The following RALGAPA2 variants were observed in gnomAD, a reference collection of about 807,000 sequenced individuals.
RALGAPA2 encodes ral GTPase-activating protein subunit alpha-2.
Under a neutral mutation model 230.4 loss-of-function variants are expected in RALGAPA2, and 139 were observed. The ratio of observed to expected loss-of-function variants is 0.60; its 90% CI spans 0.53 to 0.69. The LOEUF (loss-of-function observed/expected upper bound fraction) is 0.69, where lower values mean the gene tolerates loss of function less well. RALGAPA2 is among the 30% of genes least tolerant of loss of function. RALGAPA2 has a pLI of 0.00. For missense variants in RALGAPA2, 2,163 were observed against 2,276.0 expected, an observed-to-expected ratio of 0.95 and a Z score of 1.01; for synonymous variants, 847 against 837.8, an observed-to-expected ratio of 1.01 and a Z score of -0.19.
At chr20:20,524,350 G>T in intron 30 of RALGAPA2, 56 bp downstream of exon 30, 1 of 1,597,400 alleles carries the variant, frequency 6.3e-7, no homozygotes, top group African/African-American at 1.3e-5. Context: ...ATATTTTGGT[G>T]GTTCTCTGTC....
intron 39 of RALGAPA2, among the ~76,000 whole-genome samples, chr20:20,395,243 G>A (rs1181293955): frequency 6.6e-6 from 1 of 152,230 alleles, no homozygotes; most frequent in African/African-American, 2.4e-5. Context: ...CAGGCCTCTG[G>A]TCCCCAGCTT....
intron 3 of RALGAPA2, among the ~76,000 whole-genome samples, chr20:20,664,500 T>C (rs921672595): frequency 6.6e-6 from 1 of 152,144 alleles, no homozygotes; most frequent in Non-Finnish European, 1.5e-5. Context: ...GAATAAAGCA[T>C]TCACTAAAAC....
At chr20:20,457,494 T>C (rs2061150002) in intron 37 of RALGAPA2, among the ~76,000 whole-genome samples, 1 of 152,206 alleles carries the variant, frequency 6.6e-6, no homozygotes, top group African/African-American at 2.4e-5. Context: ...TGACCTTTTC[T>C]GTGATGACAA....
intron 30 of RALGAPA2, 132 bp downstream of exon 30, chr20:20,524,274 G>T: frequency 7.9e-7 from 1 of 1,273,002 alleles, no homozygotes; most frequent in Middle Eastern, 2.0e-4. Context: ...TACTTTTTAA[G>T]AAAACGTTTA....
At chr20:20,442,038 GA>G (rs2123068554) in intron 37 of RALGAPA2, among the ~76,000 whole-genome samples, 1 of 152,322 alleles carries the variant, frequency 6.6e-6, no homozygotes, top group East Asian at 1.9e-4. Flanking sequence ...AGTAGTCTGT[GA>G]AAATATTTTT....
At chr20:20,625,114 T>C (rs1249173389) in intron 10 of RALGAPA2, among the ~76,000 whole-genome samples, 2 of 152,182 alleles carry the variant, frequency 1.3e-5, no homozygotes, top group African/African-American at 2.4e-5. Flanking sequence ...TTTCCATCTC[T>C]GCCAGCTGGC....
intron 16 of RALGAPA2, among the ~76,000 whole-genome samples, chr20:20,595,696 G>GT (rs1465572426): frequency 6.6e-6 from 1 of 152,172 alleles, no homozygotes; most frequent in Non-Finnish European, 1.5e-5. Flanking sequence ...GCTCACACCT[G>GT]TAATTCCAGC....
Position 20,446,451 on chromosome 20 carries a change from A to G in RALGAPA2, c.5495+26378T>C, listed in dbSNP as rs192261580. Among the ~76,000 whole-genome samples the G allele has an allele frequency of 1.4e-4, 22 of 152,338 alleles. No individual in the cohort carries two copies. In the East Asian group the frequency reaches 4.2e-3, roughly 29 times the overall value. On this transcript the variant is annotated intron_variant, in intron 37 of 39. Coordinates refer to ENST00000202677, the MANE Select transcript of RALGAPA2 (RefSeq NM_020343.4). ...ATTACTTTTAAAGGCAAAAACCGCA[A>G]TTACTTTTGCACCAATCTAAATAGG...
Position 20,531,770 on chromosome 20 carries a change from C to T in RALGAPA2, c.3499G>A (p.Val1167Ile), listed in dbSNP as rs1472073762. 2.5e-6 allele frequency: 4 copies of T among 1,606,096 alleles called. No homozygotes were observed. Among genetic ancestry groups the T allele is most frequent in the Non-Finnish European group, 3.4e-6 (4 of 1,176,182 alleles). The change falls in exon 27 of 40, where the codon GTC (valine) becomes ATC (isoleucine). Residue 1167 changes from valine (V) to isoleucine (I), a missense_variant. Val to Ile is a conservative substitution (Grantham distance 29). Coordinates refer to ENST00000202677, the MANE Select transcript of RALGAPA2 (RefSeq NM_020343.4). ...ARCIAVCSLGVWICEELAQCT... is the reference protein window; with the variant it reads ...ARCIAVCSLGIWICEELAQCT... ...TGTGCAAGCTCTTCACATATCCAGA[C>T]CCCAAGGGAGCAAACAGCAATGCAT...
intron 1 of RALGAPA2, among the ~76,000 whole-genome samples, chr20:20,698,802 G>A (rs189934606): frequency 4.6e-5 from 7 of 152,308 alleles, no homozygotes; most frequent in South Asian, 2.1e-4. Flanking sequence ...AGGCTTTTGC[G>A]AAAGAGGAAA....
At chr20:20,711,475 T>TA (rs1461076165) in intron 1 of RALGAPA2, among the ~76,000 whole-genome samples, 4 of 151,982 alleles carry the variant, frequency 2.6e-5, no homozygotes, top group African/African-American at 2.4e-5. Flanking sequence ...ACTTAGGATG[T>TA]AAAAAAATAC....
intron 23 of RALGAPA2, among the ~76,000 whole-genome samples, chr20:20,551,801 C>G (rs2063932645): frequency 6.6e-6 from 1 of 152,148 alleles, no homozygotes; most frequent in African/African-American, 2.4e-5. Context: ...TATAATTGAC[C>G]TTTAGAGCGA....
Position 20,629,410 on chromosome 20 carries a change from A to G in RALGAPA2, c.1186T>C (p.Leu396=), listed in dbSNP as rs1603122843. Residue 396 remains leucine, a synonymous_variant, in exon 10 of 40, where the codon TTG becomes CTG. Transcript: ENST00000202677. ...AAGTTGACATAACCTCGTGTTGACA[A>G]GAGAATCCGCTGTACCATTTCATAC... ...MVYEMVQRIL[L]STRGYVNFVN... 1.9e-6 allele frequency: 3 copies of G among 1,613,356 alleles called. No homozygotes were observed. The East Asian group carries it at 6.7e-5, about 36-fold the overall frequency.
intron 3 of RALGAPA2, among the ~76,000 whole-genome samples, chr20:20,672,821 C>A (rs2068180990): frequency 6.6e-6 from 1 of 152,132 alleles, no homozygotes; most frequent in Middle Eastern, 3.4e-3. Flanking sequence ...CATACATATA[C>A]CAAGCAAGAT....
chr20:20,494,870 T>C (rs1208023708), intron 36 of RALGAPA2, among the ~76,000 whole-genome samples: 2 of 152,256 alleles, frequency 1.3e-5, no homozygotes, highest in Non-Finnish European at 2.9e-5. Flanking sequence ...AATAATAAAT[T>C]TGACATTATA....
intron 24 of RALGAPA2, among the ~76,000 whole-genome samples, chr20:20,537,066 A>T (rs2063517163): frequency 6.6e-6 from 1 of 152,218 alleles, no homozygotes; most frequent in Non-Finnish European, 1.5e-5. Flanking sequence ...ATGACTGTTT[A>T]CATTGTTTTA....
At chr20:20,429,815 A>G (rs1227975276) in intron 37 of RALGAPA2, among the ~76,000 whole-genome samples, 1 of 152,234 alleles carries the variant, frequency 6.6e-6, no homozygotes, top group Admixed American at 6.5e-5. Flanking sequence ...ATGAACTGTC[A>G]TTCTTTCATT....
intron 12 of RALGAPA2, 47 bp from the exon 13 acceptor site, chr20:20,616,238 A>T (rs956586362): frequency 1.5e-6 from 2 of 1,303,046 alleles, no homozygotes; most frequent in Non-Finnish European, 2.0e-6. Flanking sequence ...GAACATAAAC[A>T]TTTGAATAAA....
chr20:20,612,953 C>A (rs189037616), intron 13 of RALGAPA2, among the ~76,000 whole-genome samples: 40 of 152,282 alleles, frequency 2.6e-4, no homozygotes, highest in African/African-American at 7.7e-4. Flanking sequence ...CAACAGACAT[C>A]GTAAGTTTCA....
Sources: gnomAD v4.1 joint callset for allele counts (sites outside exome capture counted in the v4.1 genomes callset) on GRCh38, gnomAD v4.1.1 for gene constraint, MANE v1.5 for transcripts, NCBI Gene and HGNC (gene_info 2026-07-23, HGNC 2026-07-21) for gene names.